FBF1: variants seen among roughly 807,000 people sequenced by gnomAD.
The protein encoded by FBF1 is Fas binding factor 1, also known as fas-binding factor 1.
Under a neutral mutation model 147.2 loss-of-function variants are expected in FBF1, and 119 were observed. That is an observed-to-expected ratio of 0.81 (90% CI 0.70 to 0.94). The LOEUF is 0.94. Among genes scored for constraint, FBF1 ranks in the 40% least tolerant of loss-of-function variants. The pLI is 0.00. For synonymous variants in FBF1, 601 were observed against 609.0 expected, an observed-to-expected ratio of 0.99 and a Z score of 0.19; for missense variants, 1,449 against 1,500.8, an observed-to-expected ratio of 0.97 and a Z score of 0.57.
chr17:75,928,039 G>A lies in FBF1; in HGVS notation c.397+37C>T, dbSNP rs372942977. 1.7e-5 allele frequency: 26 copies of A among 1,534,662 alleles called. No individual in the cohort carries two copies. Among genetic ancestry groups the A allele is most frequent in the East Asian group, 9.0e-5 (4 of 44,384 alleles). On this transcript the variant is annotated intron_variant, in intron 8 of 29. Coordinates refer to ENST00000636174, the MANE Select transcript of FBF1 (RefSeq NM_001319193.2). This position sits in a 1 kb window ranked among gnomAD's most constrained non-coding sequence, Gnocchi z 4.2. ...GTCTCCCTAGCAGATGCGAGGAGCC[G>A]TCTCCCATGCACCTTTCTCACTGGC... is the stretch of plus-strand genomic sequence containing the variant.
At chr17:75,938,929 G>T (rs1361918236) in intron 1 of FBF1, among the ~76,000 whole-genome samples, 1 of 151,650 alleles carries the variant, frequency 6.6e-6, no homozygotes, top group Non-Finnish European at 1.5e-5. Context: ...CTCTCACTTT[G>T]CCCATTCAAG....
chr17:75,938,555 CAA>C (rs34602242), intron 1 of FBF1, among the ~76,000 whole-genome samples: 10 of 58,884 alleles, frequency 1.7e-4, no homozygotes, highest in African/African-American at 3.3e-4. Context: ...GACTCCATCT[CAA>C]AAAAAAAAAA....
intron 17 of FBF1, among the ~76,000 whole-genome samples, chr17:75,920,787 C>T (rs2065520824): frequency 6.6e-6 from 1 of 151,936 alleles, no homozygotes. Context: ...AATCTGGTTC[C>T]CACGAGCTGT....
chr17:75,931,357 G>A (rs916687675), intron 5 of FBF1, 68 bp from the exon 6 acceptor site: 3 of 1,434,432 alleles, frequency 2.1e-6, no homozygotes, highest in Non-Finnish European at 1.9e-6. Flanking sequence ...AAGGGGAGGA[G>A]TAGCTTAGAA....
intron 4 of FBF1, 118 bp from the exon 5 acceptor site, chr17:75,933,206 C>A: frequency 1.4e-6 from 1 of 696,918 alleles, no homozygotes; most frequent in Non-Finnish European, 2.4e-6. Context: ...GAAATCTGGC[C>A]AAATAGGCAG....
chr17:75,912,127 C>A, intron 29 of FBF1, 65 bp downstream of exon 29: 2 of 1,484,940 alleles, frequency 1.3e-6, no homozygotes, highest in Non-Finnish European at 1.8e-6. Flanking sequence ...GTGCTCCTCC[C>A]TGCCTCTGCC....
At position 75,914,695 on chromosome 17, in the gene FBF1, A is replaced by T. The variant is rs1599480897; in HGVS notation, c.2814+52T>A. ...ACTGGAAGCGGATGTGTCCAGATGG[A>T]GGGGCGCAGGCAACCCTGGGCCCTC... On this transcript the variant is annotated intron_variant, in intron 25 of 29. Coordinates refer to ENST00000636174, the MANE Select transcript of FBF1 (RefSeq NM_001319193.2). 4 of 1,467,062 alleles carry T rather than the reference A, an allele frequency of 2.7e-6. No homozygotes were observed. In the East Asian group the frequency reaches 9.9e-5, roughly 36 times the overall value. The allele number at this position is 1,467,062 out of a possible 1,614,324, so 90.9% of individuals were successfully genotyped here.
Position 75,914,139 on chromosome 17 carries a change from CCTCCT to C in FBF1, c.2969_2973del (p.Glu990GlyfsTer74), listed in dbSNP as rs752662481. 1 of 1,601,734 alleles carries C rather than the reference CCTCCT, an allele frequency of 6.2e-7. No individual in the cohort carries two copies. The stretch of plus-strand genomic sequence containing the variant: ...AGCAGCACCTTGCTCATGCTCTCCA[CCTCCT>C]CGGCGCGGAGCTTGACACGCAGGGC... On this transcript the variant is annotated frameshift_variant, in exon 26 of 30. Transcript: ENST00000636174. LOFTEE classifies it high-confidence loss of function.
Position 75,923,762 on chromosome 17 carries a change from A to G in FBF1, c.969-121T>C. ...CTGCACAGTCAGCTGAGGCCCAGTGAGCAGTGGCTCCTGGACCGGCTCAGG... is the reference window on the plus strand; with the variant it reads ...CTGCACAGTCAGCTGAGGCCCAGTGGGCAGTGGCTCCTGGACCGGCTCAGG... On this transcript the variant is annotated intron_variant, in intron 13 of 29. Coordinates refer to ENST00000636174, the MANE Select transcript of FBF1 (RefSeq NM_001319193.2). The surrounding 1 kb of genome is among the most constrained non-coding windows in gnomAD (Gnocchi z 4.1). 2 of 1,001,020 alleles carry G rather than the reference A, an allele frequency of 2.0e-6. No homozygotes were observed. Among genetic ancestry groups the G allele is most frequent in the Non-Finnish European group, 2.9e-6 (2 of 698,984 alleles). The allele number at this position is 1,001,020 out of a possible 1,614,324, so 62.0% of individuals were successfully genotyped here.
intron 23 of FBF1, 127 bp downstream of exon 23, chr17:75,917,605 G>A: frequency 1.2e-6 from 1 of 830,794 alleles, no homozygotes; most frequent in South Asian, 1.7e-5. Context: ...GTAGAGGCAG[G>A]AAGCGGCAGG....
chr17:75,938,386 C>A (rs2065638082), intron 1 of FBF1, among the ~76,000 whole-genome samples, 154 bp from the exon 2 acceptor site: 1 of 151,948 alleles, frequency 6.6e-6, no homozygotes, highest in Non-Finnish European at 1.5e-5. Context: ...CATGGTGAAA[C>A]CCTGTCTCTA....
chr17:75,933,451 C>T (rs2065606262), intron 4 of FBF1, among the ~76,000 whole-genome samples: 1 of 152,126 alleles, frequency 6.6e-6, no homozygotes, highest in Non-Finnish European at 1.5e-5. Context: ...GCCTGTAATC[C>T]ATCCCAGCTA....
rs756668818 is a variant in FBF1, at chr17:75,926,085, CG to C, written c.812del (p.Pro271ArgfsTer11). On this transcript the variant is annotated frameshift_variant, in exon 12 of 30. Coordinates refer to ENST00000636174, the MANE Select transcript of FBF1 (RefSeq NM_001319193.2). LOFTEE classifies it high-confidence loss of function. The stretch of plus-strand genomic sequence containing the variant: ...TGAACTCCCTGTGCTCCCCGGTGCC[CG>C]GGCGGGCCAGGAGTTTGGTGGCCAT... Reference protein sequence around the residue: ...RGMATKLLARPGTGEHREFKL... With the variant: ...RGMATKLLARXGTGEHREFKL... 6.2e-7 allele frequency: 1 copy of C among 1,612,476 alleles called. No individual in the cohort carries two copies. Among genetic ancestry groups the C allele is most frequent in the East Asian group, 2.2e-5 (1 of 44,856 alleles).
chr17:75,937,418 C>T lies in FBF1; in HGVS notation c.31+148G>A, dbSNP rs978869266. On this transcript the variant is annotated intron_variant, in intron 3 of 29. Coordinates refer to ENST00000636174, the MANE Select transcript of FBF1 (RefSeq NM_001319193.2). ...ATCTCCTGACCTCATGATCCACCCA[C>T]CTCGGCCTCCCAAAGCGCTGGGATT... is the stretch of plus-strand genomic sequence containing the variant. 33 of 760,096 alleles carry T rather than the reference C, an allele frequency of 4.3e-5. 1 individual carries two copies. The highest frequency in any genetic ancestry group is 3.8e-4 in the South Asian group (25 of 65,936). 47.1% of individuals were successfully genotyped at this position (760,096 alleles called of 1,614,324 possible).
At chr17:75,934,577 G>C (rs1191556893) in intron 4 of FBF1, among the ~76,000 whole-genome samples, 2 of 146,708 alleles carry the variant, frequency 1.4e-5, no homozygotes, top group Non-Finnish European at 3.0e-5. Context: ...AAAAAAGCTA[G>C]ATGTAAAGGT....
chr17:75,921,219 T>C, intron 17 of FBF1, 25 bp downstream of exon 17: 1 of 1,569,112 alleles, frequency 6.4e-7, no homozygotes, highest in East Asian at 2.4e-5. Context: ...GGCCCTGAGC[T>C]AGACCTGTCT....
intron 28 of FBF1, among the ~76,000 whole-genome samples, chr17:75,913,279 G>C (rs1008749443): frequency 1.3e-5 from 2 of 151,128 alleles, no homozygotes; most frequent in African/African-American, 4.9e-5. Flanking sequence ...CTCCTGAGTA[G>C]CTGGGATTAC....
At position 75,916,996 on chromosome 17, in the gene FBF1, G is replaced by A. The variant is rs561488856; in HGVS notation, c.2505+736C>T. On this transcript the variant is annotated intron_variant, in intron 23 of 29. Coordinates refer to ENST00000636174, the MANE Select transcript of FBF1 (RefSeq NM_001319193.2). ...CTCTCTAGTAGCTGGGATTACAGGCGTGCGCCACCACGCCTGGCTAGTTTC... is the reference window on the plus strand; with the variant it reads ...CTCTCTAGTAGCTGGGATTACAGGCATGCGCCACCACGCCTGGCTAGTTTC... 3.9e-5 allele frequency among the ~76,000 whole-genome samples: 6 copies of A among 152,186 alleles called. No individual in the cohort carries two copies. In the East Asian group the frequency reaches 5.8e-4, roughly 15 times the overall value.
rs1200070631 is a variant in FBF1, at chr17:75,923,237, G to A, written c.1373C>T (p.Thr458Ile). 2 of 1,591,810 alleles carry A rather than the reference G, an allele frequency of 1.3e-6. No individual in the cohort carries two copies. Among genetic ancestry groups the A allele is most frequent in the Non-Finnish European group, 1.7e-6 (2 of 1,169,796 alleles). The change falls in exon 14 of 30, where the codon ACC becomes ATC. Residue 458 changes from threonine (T) to isoleucine (I), a missense_variant. Physicochemically the swap from Thr to Ile is moderately conservative, Grantham distance 89. Transcript: ENST00000636174. This position sits in a 1 kb window ranked among gnomAD's most constrained non-coding sequence, Gnocchi z 4.1. Reference sequence around the variant, plus strand: ...CCCCGCCAAATGCAGGCCCTCAGAGGTCCCAGCATGCTGCTCTCTGGCCAG... The same window carrying A: ...CCCCGCCAAATGCAGGCCCTCAGAGATCCCAGCATGCTGCTCTCTGGCCAG... ...QGLAREQHAG[T>I]SEGLHLAGTA...
Sources: gnomAD v4.1 joint callset for allele counts (sites outside exome capture counted in the v4.1 genomes callset) on GRCh38, gnomAD v4.1.1 for gene constraint, Gnocchi (gnomAD v3.1) non-coding constraint, MANE v1.5 for transcripts, NCBI Gene and HGNC (gene_info 2026-07-23, HGNC 2026-07-21) for gene names.